Variants in CSMD1 observed in about 807,000 individuals in gnomAD.
The protein encoded by CSMD1 is CUB and Sushi multiple domains 1, also known as CUB and sushi domain-containing protein 1.
A neutral mutation model predicts 417.5 loss-of-function variants in CSMD1; 213 were observed. The observed-to-expected ratio is 0.51, with a 90% CI of 0.46 to 0.57. The LOEUF (loss-of-function observed/expected upper bound fraction) is 0.57. Among genes scored for constraint, CSMD1 ranks in the 20% least tolerant of loss-of-function variants. The probability of loss-of-function intolerance (pLI) is 0.00; values close to 1 mark genes in which losing one functional copy is unlikely to be tolerated. For synonymous variants in CSMD1, 2,862 were observed against 1,736.8 expected (o/e 1.65, Z -16.11); for missense variants, 6,923 against 4,529.7 (o/e 1.53, Z -15.17).
intron 28 of CSMD1, among the ~76,000 whole-genome samples, chr8:3,219,781 C>T (rs889142192): frequency 4.6e-5 from 7 of 152,024 alleles, no homozygotes; most frequent in African/African-American, 1.5e-4. Flanking sequence ...TTTAAAAGAA[C>T]CAAGCTCAAA....
At chr8:4,043,582 G>A (rs1269306379) in intron 3 of CSMD1, among the ~76,000 whole-genome samples, 2 of 152,304 alleles carry the variant, frequency 1.3e-5, no homozygotes, top group East Asian at 3.9e-4. Context: ...GCCGCCTTGA[G>A]GGGGAAATCA....
At chr8:3,937,809 C>T (rs1035481600) in intron 5 of CSMD1, among the ~76,000 whole-genome samples, 2 of 152,084 alleles carry the variant, frequency 1.3e-5, no homozygotes, top group South Asian at 2.1e-4. Flanking sequence ...ACTTCAATTA[C>T]TGCTTACACA....
At chr8:3,529,253 A>T (rs1563125403) in intron 10 of CSMD1, among the ~76,000 whole-genome samples, 1 of 152,234 alleles carries the variant, frequency 6.6e-6, no homozygotes, top group Non-Finnish European at 1.5e-5. Context: ...TCATATTTCA[A>T]TGCAAGTTCT....
At chr8:3,325,728 G>A (rs979270362) in intron 23 of CSMD1, among the ~76,000 whole-genome samples, 38 of 152,274 alleles carry the variant, frequency 2.5e-4, no homozygotes, top group Non-Finnish European at 4.6e-4. Context: ...GGAAGCTGAG[G>A]CAAGGGAATT....
intron 51 of CSMD1, among the ~76,000 whole-genome samples, chr8:3,020,365 C>T (rs1055307553): frequency 6.6e-6 from 1 of 152,072 alleles, no homozygotes; most frequent in African/African-American, 2.4e-5. Context: ...CTAAAACCAG[C>T]CCTTTTGTTG....
chr8:4,557,151 C>T (rs1472179734), intron 2 of CSMD1, among the ~76,000 whole-genome samples: 1 of 152,170 alleles, frequency 6.6e-6, no homozygotes, highest in East Asian at 1.9e-4. Flanking sequence ...TTTTGCTTTT[C>T]CTTCCTGCTT....
At chr8:4,526,274 C>A (rs1796507601) in intron 2 of CSMD1, among the ~76,000 whole-genome samples, 1 of 152,268 alleles carries the variant, frequency 6.6e-6, no homozygotes, top group East Asian at 1.9e-4. Flanking sequence ...ACATCCTTTG[C>A]AATTACCAAG....
At chr8:3,440,433 G>C (rs77328407) in intron 12 of CSMD1, among the ~76,000 whole-genome samples, 1 of 152,056 alleles carries the variant, frequency 6.6e-6, no homozygotes, top group South Asian at 2.1e-4. Flanking sequence ...TAAAGAAATT[G>C]GGTGTTCACG....
intron 3 of CSMD1, among the ~76,000 whole-genome samples, chr8:4,104,807 G>T (rs190845539): frequency 6.6e-6 from 1 of 152,170 alleles, no homozygotes; most frequent in South Asian, 2.1e-4. Context: ...CCTTTACGAA[G>T]AGTGTCTTTA....
At position 4,910,013 on chromosome 8, in the gene CSMD1, C is replaced by T. The variant is rs947133702; in HGVS notation, c.85+84319G>A. Among the ~76,000 whole-genome samples the T allele has an allele frequency of 3.3e-5, 5 of 152,182 alleles. No homozygotes were observed. The South Asian group carries it at 1.0e-3, about 31-fold the overall frequency. On this transcript the variant is annotated intron_variant, in intron 1 of 69. Transcript: ENST00000635120. ...AACTTTATCAATGATTGAAATGTTT[C>T]AGCATATATGAATAACCAATAGCAT...
chr8:4,200,473 T>C lies in CSMD1; in HGVS notation c.416-168374A>G, dbSNP rs182517653. On this transcript the variant is annotated intron_variant, in intron 3 of 69. Transcript: ENST00000635120. Reference sequence around the variant, plus strand: ...CACTCTTATGGTTTAAGTGACAAAGTTGAATCTCAGAGATAATCACTTAGG... The same window carrying C: ...CACTCTTATGGTTTAAGTGACAAAGCTGAATCTCAGAGATAATCACTTAGG... Among the ~76,000 whole-genome samples, 174 of 152,318 alleles carry C rather than the reference T, an allele frequency of 1.1e-3. 1 individual carries two copies. Among genetic ancestry groups the C allele is most frequent in the South Asian group, 0.01 (49 of 4,830 alleles).
intron 23 of CSMD1, among the ~76,000 whole-genome samples, chr8:3,336,196 A>T (rs1445455181): frequency 6.6e-6 from 1 of 152,144 alleles, no homozygotes; most frequent in Non-Finnish European, 1.5e-5. Context: ...ATCAGTATTA[A>T]GTTAGATCAT....
intron 7 of CSMD1, among the ~76,000 whole-genome samples, chr8:3,665,688 G>A (rs535426170): frequency 6.6e-6 from 1 of 152,082 alleles, no homozygotes; most frequent in African/African-American, 2.4e-5. Context: ...TAAAACTCAG[G>A]AAATGTGAAA....
chr8:4,099,318 C>G (rs1329381597), intron 3 of CSMD1, among the ~76,000 whole-genome samples: 2 of 152,060 alleles, frequency 1.3e-5, no homozygotes, highest in African/African-American at 2.4e-5. Flanking sequence ...CATGAAGGAG[C>G]TATACTCACT....
At chr8:4,814,935 C>T (rs1799122986) in intron 1 of CSMD1, among the ~76,000 whole-genome samples, 1 of 152,070 alleles carries the variant, frequency 6.6e-6, no homozygotes, top group Admixed American at 6.6e-5. Flanking sequence ...AAACATTTTG[C>T]ATTATGACTG....
chr8:3,406,420 G>T (rs1486610363), intron 14 of CSMD1, among the ~76,000 whole-genome samples, 199 bp from the exon 15 acceptor site: 3 of 152,238 alleles, frequency 2.0e-5, no homozygotes, highest in African/African-American at 7.2e-5. Flanking sequence ...AGCGAGCAGG[G>T]AGATGAACAA....
chr8:3,451,937 C>G (rs1272851083), intron 12 of CSMD1, among the ~76,000 whole-genome samples: 7 of 152,148 alleles, frequency 4.6e-5, no homozygotes, highest in Admixed American at 6.5e-5. Flanking sequence ...ATTGATTCTT[C>G]CTACCCATGA....
In CSMD1 at chr8:3,709,680, G is replaced by GTTTTTTTTT. The variant is rs56272726; in HGVS notation, c.932-1198_932-1190dup. On this transcript the variant is annotated intron_variant, in intron 6 of 69. Transcript: ENST00000635120. ...GATGGGCTTTAAATTGCAGCAGCAT[G>GTTTTTTTTT]TTTTTTTTTTTTTTTTTTTTTTTTT... Among the ~76,000 whole-genome samples, 83 of 33,666 alleles carry GTTTTTTTTT rather than the reference G, an allele frequency of 2.5e-3. 12 individuals carry two copies. Among genetic ancestry groups the GTTTTTTTTT allele is most frequent in the Non-Finnish European group, 3.4e-3 (59 of 17,528 alleles). 22.1% of individuals were successfully genotyped at this position (33,666 alleles called of 152,430 possible). A position where few individuals can be genotyped will look rare whatever the true frequency, so the allele number is the denominator to read the frequency against.
intron 3 of CSMD1, among the ~76,000 whole-genome samples, chr8:4,300,813 C>T (rs1004379241): frequency 5.9e-5 from 9 of 152,238 alleles, no homozygotes; most frequent in Middle Eastern, 3.4e-3. Flanking sequence ...CAATAGTTTG[C>T]TGAGAATGAT....
Sources: gnomAD v4.1 joint callset for allele counts (sites outside exome capture counted in the v4.1 genomes callset) on GRCh38, gnomAD v4.1.1 for gene constraint, MANE v1.5 for transcripts, NCBI Gene and HGNC (gene_info 2026-07-23, HGNC 2026-07-21) for gene names.